KYAT3: variants seen among roughly 807,000 people sequenced by gnomAD.
The protein encoded by KYAT3 is kynurenine--oxoglutarate transaminase 3.
A neutral mutation model predicts 59.0 loss-of-function variants in KYAT3; 50 were observed. The observed-to-expected ratio is 0.85, with a 90% CI of 0.68 to 1.07. The LOEUF is 1.07. KYAT3 is among the 50% of genes least tolerant of loss of function. The pLI is 0.00. For missense variants in KYAT3, 497 were observed against 533.3 expected (o/e 0.93, Z 0.67); for synonymous variants, 148 against 177.0 (o/e 0.84, Z 1.30).
At chr1:88,933,921 C>T (rs909374655), downstream of KYAT3, among the ~76,000 whole-genome samples, 2 of 152,074 alleles carry the variant, frequency 1.3e-5, no homozygotes, top group Admixed American at 6.6e-5. Context: ...CCTAACCTGT[C>T]GGCCTTGGAC....
the KYAT3 span, among the ~76,000 whole-genome samples, chr1:88,925,682 A>AAGAGAG: frequency 0.17 from 25,201 of 147,892 alleles, 2,453 homozygotes; most frequent in African/African-American, 0.29. Flanking sequence ...AGAGAGATGG[A>AAGAGAG]AGAGAGAGAG....
At chr1:88,987,173 G>C (rs1032755580) in intron 2 of KYAT3, among the ~76,000 whole-genome samples, 1 of 152,156 alleles carries the variant, frequency 6.6e-6, no homozygotes. Context: ...ATGCATAATG[G>C]TGAGCCCTGG....
In KYAT3 at chr1:88,988,237, G is replaced by A; in HGVS notation, c.99+15C>T. ...AATATGTACAATAATTTATCTGTAA[G>A]TAAGCAATACCTACAGCAGAAGTAG... On this transcript the variant is annotated intron_variant, in intron 2 of 13. Coordinates refer to ENST00000260508, the MANE Select transcript of KYAT3 (RefSeq NM_001008661.3). 1 of 1,560,322 alleles carries A rather than the reference G, an allele frequency of 6.4e-7. No individual in the cohort carries two copies. Among genetic ancestry groups the A allele is most frequent in the Non-Finnish European group, 8.8e-7 (1 of 1,134,540 alleles).
chr1:88,958,123 A>G (rs776571618), intron 8 of KYAT3, among the ~76,000 whole-genome samples: 1 of 152,138 alleles, frequency 6.6e-6, no homozygotes, highest in Admixed American at 6.5e-5. Context: ...TTGTCCCCAG[A>G]TATCTATTCT....
intron 8 of KYAT3, among the ~76,000 whole-genome samples, chr1:88,958,202 C>G (rs1288600628): frequency 1.3e-5 from 2 of 152,170 alleles, no homozygotes; most frequent in African/African-American, 2.4e-5. Flanking sequence ...CTTTGCTCAG[C>G]CCTTCCATAC....
rs772767161 is a variant in KYAT3, at chr1:88,943,378, TTA to T, written c.1185_1186del (p.Tyr395Ter). 4 of 1,583,936 alleles carry T rather than the reference TTA, an allele frequency of 2.5e-6. No individual in the cohort carries two copies. In the South Asian group the frequency reaches 4.6e-5, roughly 18 times the overall value. ...ATGTTTAGTCATCCATTTCACAAAC[TTA>T]TAGTCATAAGGCTCATTATTCTTCA... On this transcript the variant is annotated stop_gained and frameshift_variant, in exon 12 of 14. Coordinates refer to ENST00000260508, the MANE Select transcript of KYAT3 (RefSeq NM_001008661.3). LOFTEE classifies it high-confidence loss of function.
At chr1:88,928,239 A>C in the KYAT3 span, among the ~76,000 whole-genome samples, 963 of 152,098 alleles carry the variant, frequency 6.3e-3, 10 homozygotes, top group African/African-American at 0.02. Context: ...TTAAAGGATA[A>C]ATTTTTCACT....
intron 2 of KYAT3, among the ~76,000 whole-genome samples, chr1:88,971,924 C>T (rs900353638): frequency 6.6e-6 from 1 of 152,172 alleles, no homozygotes; most frequent in African/African-American, 2.4e-5. Context: ...AAATGATATA[C>T]AGCATGACCA....
chr1:88,959,725 T>C (rs1431422976), intron 8 of KYAT3, among the ~76,000 whole-genome samples: 1 of 151,890 alleles, frequency 6.6e-6, no homozygotes, highest in Non-Finnish European at 1.5e-5. Flanking sequence ...AGGAGTTTAG[T>C]TTCTATTTCT....
intron 1 of KYAT3, among the ~76,000 whole-genome samples, chr1:88,989,478 G>A (rs531453562): frequency 2.6e-5 from 4 of 152,290 alleles, no homozygotes; most frequent in African/African-American, 9.6e-5. Context: ...GTTAAAGCAA[G>A]CAAGTAGCGG....
At chr1:88,952,878 T>TA (rs568927211) in intron 10 of KYAT3, among the ~76,000 whole-genome samples, 185 bp downstream of exon 10, 28 of 151,592 alleles carry the variant, frequency 1.8e-4, no homozygotes, top group South Asian at 1.3e-3. Flanking sequence ...AAATTGTGTT[T>TA]AAAAAAAAAC....
chr1:88,956,690 T>G (rs983683486), intron 8 of KYAT3, among the ~76,000 whole-genome samples: 6 of 152,202 alleles, frequency 3.9e-5, no homozygotes, highest in African/African-American at 1.4e-4. Flanking sequence ...CCACATAGGC[T>G]GTAGCCAGGC....
At position 88,955,136 on chromosome 1, in the gene KYAT3, T is replaced by C; in HGVS notation, c.864+13A>G. ...GGCCTATTTTTAAGCAATTAAATTC[T>C]TACTCATCTTACCTTCCAGCCAGTT... is the stretch of plus-strand genomic sequence containing the variant. On this transcript the variant is annotated intron_variant, in intron 9 of 13. Transcript: ENST00000260508. The C allele has an allele frequency of 1.3e-6, 2 of 1,550,956 alleles. No individual in the cohort carries two copies. The highest frequency in any genetic ancestry group is 1.8e-6 in the Non-Finnish European group (2 of 1,123,334).
downstream of KYAT3, among the ~76,000 whole-genome samples, chr1:88,933,724 G>C (rs143505588): frequency 4.6e-5 from 7 of 152,296 alleles, no homozygotes; most frequent in African/African-American, 1.7e-4. Context: ...GACAAGTCCA[G>C]GGCTGCAAAA....
chr1:88,975,671 C>G (rs1676756662), intron 2 of KYAT3, among the ~76,000 whole-genome samples: 1 of 152,198 alleles, frequency 6.6e-6, no homozygotes, highest in East Asian at 1.9e-4. Context: ...ATATACAACA[C>G]AGAGTCATGT....
intron 8 of KYAT3, among the ~76,000 whole-genome samples, chr1:88,959,511 T>C (rs912647056): frequency 6.2e-5 from 9 of 144,380 alleles, no homozygotes; most frequent in Admixed American, 2.2e-4. Flanking sequence ...AGGCAGAGGT[T>C]GCAATGAGCT....
intron 2 of KYAT3, among the ~76,000 whole-genome samples, chr1:88,974,995 G>A (rs758036598): frequency 1.3e-5 from 2 of 152,170 alleles, no homozygotes; most frequent in South Asian, 2.1e-4. Flanking sequence ...CCCTTCCGTG[G>A]TGTGGAAGCT....
In KYAT3 at chr1:88,935,967, G is replaced by A. The variant is rs1256574897; in HGVS notation, c.*216C>T. ...TATGTTATGCTGACTCTTATAAAAT[G>A]ATTGTGGAAGGTGTGTTAATACATT... On this transcript the variant is annotated 3_prime_UTR_variant, in exon 14 of 14. Coordinates refer to ENST00000260508, the MANE Select transcript of KYAT3 (RefSeq NM_001008661.3). 2.1e-6 allele frequency: 1 copy of A among 472,248 alleles called. No homozygotes were observed. The highest frequency in any genetic ancestry group is 3.8e-6 in the Non-Finnish European group (1 of 262,934). 29.3% of individuals were successfully genotyped at this position (472,248 alleles called of 1,614,324 possible).
chr1:88,923,394 A>C, the KYAT3 span: 1 of 152,936 alleles, frequency 6.5e-6, no homozygotes, highest in East Asian at 1.9e-4. Flanking sequence ...TGTGGCTGCC[A>C]GGAAGCCACC....
Sources: allele counts gnomAD v4.1 joint callset (sites outside exome capture counted in the v4.1 genomes callset), GRCh38; gene constraint gnomAD v4.1.1; transcripts MANE v1.5; gene names NCBI Gene and HGNC (gene_info 2026-07-23, HGNC 2026-07-21).